The following IGF1R variants were observed in gnomAD, a reference collection of about 807,000 sequenced individuals.
IGF1R encodes insulin-like growth factor 1 receptor.
Under a neutral mutation model 144.6 loss-of-function variants are expected in IGF1R, and 44 were observed. The observed-to-expected ratio is 0.30, with a 90% CI of 0.24 to 0.39. The LOEUF (loss-of-function observed/expected upper bound fraction) is 0.39. Ranked by LOEUF, IGF1R falls within the 10% of genes least tolerant of loss-of-function variation. The pLI, the probability that IGF1R is intolerant of heterozygous loss-of-function variation, is 1.00. For synonymous variants in IGF1R, 795 were observed against 722.8 expected (o/e 1.10, Z -1.60); for missense variants, 1,355 against 1,833.7 (o/e 0.74, Z 4.77).
chr15:98,752,270 A>G (rs1394963594), intron 2 of IGF1R, among the ~76,000 whole-genome samples: 1 of 152,182 alleles, frequency 6.6e-6, no homozygotes, highest in Non-Finnish European at 1.5e-5. Context: ...TCATTTTTCT[A>G]TAAAATCAGA....
chr15:98,852,780 A>AC (rs1199906962), intron 2 of IGF1R, among the ~76,000 whole-genome samples: 2 of 151,850 alleles, frequency 1.3e-5, no homozygotes, highest in Non-Finnish European at 2.9e-5. Context: ...CTTCTCTCTC[A>AC]CCGTGGCCAT....
chr15:98,774,695 G>C (rs1442798481), intron 2 of IGF1R, among the ~76,000 whole-genome samples: 1 of 150,410 alleles, frequency 6.6e-6, no homozygotes, highest in Admixed American at 6.6e-5. Context: ...TGGTGGGGGG[G>C]TGGGGGGTGG....
At chr15:98,928,555 C>G (rs184416236) in intron 13 of IGF1R, among the ~76,000 whole-genome samples, 2 of 152,206 alleles carry the variant, frequency 1.3e-5, no homozygotes, top group Non-Finnish European at 2.9e-5. Context: ...GCCCTGACTT[C>G]TCTCCAGTAT....
intron 2 of IGF1R, among the ~76,000 whole-genome samples, chr15:98,765,762 C>T (rs1386273257): frequency 6.6e-6 from 1 of 152,116 alleles, no homozygotes; most frequent in Non-Finnish European, 1.5e-5. Flanking sequence ...TTTGCAGTAC[C>T]CTAGGGTTGT....
chr15:98,655,336 G>GT (rs2052459577), intron 1 of IGF1R, among the ~76,000 whole-genome samples: 1 of 152,142 alleles, frequency 6.6e-6, no homozygotes, highest in Non-Finnish European at 1.5e-5. Context: ...TGAAGACTAA[G>GT]TTTTTAAATG....
At chr15:98,895,237 C>CACAG (rs1596407655) in intron 3 of IGF1R, among the ~76,000 whole-genome samples, 654 of 60,266 alleles carry the variant, frequency 0.011, 5 homozygotes, top group African/African-American at 0.016. Context: ...CACACACACA[C>CACAG]ACACACACAC....
intron 2 of IGF1R, among the ~76,000 whole-genome samples, chr15:98,827,871 G>A (rs2056923996): frequency 1.3e-5 from 2 of 152,156 alleles, no homozygotes; most frequent in African/African-American, 2.4e-5. Flanking sequence ...ATGAGCCACC[G>A]CGCCCGGCCT....
intron 2 of IGF1R, among the ~76,000 whole-genome samples, chr15:98,730,260 G>T (rs1286094362): frequency 6.6e-6 from 1 of 151,500 alleles, no homozygotes; most frequent in Non-Finnish European, 1.5e-5. Context: ...TAGACCCACA[G>T]TAAAACATAG....
intron 2 of IGF1R, among the ~76,000 whole-genome samples, chr15:98,779,734 G>A (rs751913216): frequency 6.6e-5 from 10 of 152,194 alleles, no homozygotes; most frequent in African/African-American, 1.9e-4. Context: ...TTCCGTCTGC[G>A]GGGAGCCGAG....
At chr15:98,748,670 A>G (rs538551076) in intron 2 of IGF1R, among the ~76,000 whole-genome samples, 29 of 152,346 alleles carry the variant, frequency 1.9e-4, no homozygotes, top group African/African-American at 7.0e-4. Context: ...TATGACTTAT[A>G]ATATTCACTT....
At chr15:98,905,828 T>G (rs2014706067) in intron 5 of IGF1R, among the ~76,000 whole-genome samples, 1 of 152,264 alleles carries the variant, frequency 6.6e-6, no homozygotes, top group African/African-American at 2.4e-5. Context: ...TTTAAAGATG[T>G]GCAGACAGGT....
chr15:98,788,058 CTCTCTG>C (rs1271628565), intron 2 of IGF1R, among the ~76,000 whole-genome samples: 60 of 128,076 alleles, frequency 4.7e-4, no homozygotes, highest in South Asian at 1.4e-3. Context: ...CTCTCTCTCT[CTCTCTG>C]TGTGTGTGTG....
chr15:98,768,867 G>A (rs2141367836), intron 2 of IGF1R, among the ~76,000 whole-genome samples: 1 of 151,960 alleles, frequency 6.6e-6, no homozygotes, highest in Admixed American at 6.5e-5. Flanking sequence ...GGCGGAGGTT[G>A]CAGTGAGCGG....
At chr15:98,696,988 C>T (rs994772951) in intron 1 of IGF1R, among the ~76,000 whole-genome samples, 3 of 152,046 alleles carry the variant, frequency 2.0e-5, no homozygotes, top group Non-Finnish European at 4.4e-5. Flanking sequence ...CTTGGATGAG[C>T]GTGCAGTGGA....
At chr15:98,828,603 T>G (rs1248494354) in intron 2 of IGF1R, among the ~76,000 whole-genome samples, 3 of 152,206 alleles carry the variant, frequency 2.0e-5, no homozygotes, top group East Asian at 3.8e-4. Context: ...ACGTTCCCAC[T>G]GACCTTCAGT....
chr15:98,651,408 G>C (rs1017198307), intron 1 of IGF1R, among the ~76,000 whole-genome samples: 1 of 152,206 alleles, frequency 6.6e-6, no homozygotes, highest in African/African-American at 2.4e-5. Context: ...AAGCCTTCCG[G>C]CTCCCTTTAC....
intron 2 of IGF1R, among the ~76,000 whole-genome samples, chr15:98,776,626 A>G (rs1023325794): frequency 5.3e-5 from 8 of 152,194 alleles, no homozygotes; most frequent in African/African-American, 1.9e-4. Flanking sequence ...CTGAAATAAC[A>G]TAGGTGCATG....
chr15:98,949,345 A>T (rs999198957), intron 20 of IGF1R, among the ~76,000 whole-genome samples: 85 of 150,120 alleles, frequency 5.7e-4, no homozygotes, highest in Non-Finnish European at 1.0e-3. Context: ...GGACAGAAGG[A>T]TGCCAGTGCT....
chr15:98,741,055 T>G (rs377090071), intron 2 of IGF1R, among the ~76,000 whole-genome samples: 15 of 130,332 alleles, frequency 1.2e-4, no homozygotes, highest in African/African-American at 4.2e-4. Flanking sequence ...TTTATTTTTT[T>G]AAAAAGCTTT....
Sources: gnomAD v4.1 joint callset for allele counts (sites outside exome capture counted in the v4.1 genomes callset) on GRCh38, gnomAD v4.1.1 for gene constraint, MANE v1.5 for transcripts, NCBI Gene and HGNC (gene_info 2026-07-23, HGNC 2026-07-21) for gene names.